Variants in PLXDC2 observed in about 807,000 individuals in gnomAD.
PLXDC2 encodes plexin domain containing 2.
PLXDC2 carries 40 observed loss-of-function variants against 68.9 expected under a neutral mutation model. The ratio of observed to expected loss-of-function variants is 0.58; its 90% CI spans 0.45 to 0.76. PLXDC2 has a LOEUF of 0.76. Among genes scored for constraint, PLXDC2 ranks in the 30% least tolerant of loss-of-function variants. The pLI is 0.00. For missense variants in PLXDC2, 644 were observed against 661.9 expected, an observed-to-expected ratio of 0.97 and a Z score of 0.30; for synonymous variants, 243 against 234.2, an observed-to-expected ratio of 1.04 and a Z score of -0.34.
intron 12 of PLXDC2, among the ~76,000 whole-genome samples, chr10:20,224,796 G>A (rs1320872669): frequency 6.6e-6 from 1 of 152,142 alleles, no homozygotes; most frequent in Non-Finnish European, 1.5e-5. Flanking sequence ...TTCATTTAAA[G>A]TTTCTTCTCT....
intron 12 of PLXDC2, among the ~76,000 whole-genome samples, chr10:20,238,655 C>CAAAAAA (rs771913862): frequency 1.2e-5 from 1 of 82,782 alleles, no homozygotes; most frequent in Non-Finnish European, 2.3e-5. Context: ...GACTCCATCT[C>CAAAAAA]AAAAAAAATA....
intron 1 of PLXDC2, among the ~76,000 whole-genome samples, chr10:19,845,753 T>G (rs947120111): frequency 3.9e-5 from 6 of 152,150 alleles, no homozygotes; most frequent in African/African-American, 1.4e-4. Context: ...CACTTTTAAT[T>G]ACATGCAAAT....
chr10:20,183,964 T>A (rs987899238), intron 9 of PLXDC2, among the ~76,000 whole-genome samples: 6 of 151,960 alleles, frequency 3.9e-5, no homozygotes, highest in Non-Finnish European at 8.8e-5. Flanking sequence ...CCAATCAAAG[T>A]TATAAGCTTG....
intron 3 of PLXDC2, among the ~76,000 whole-genome samples, chr10:20,067,629 A>G (rs1589613159): frequency 6.6e-6 from 1 of 151,574 alleles, no homozygotes; most frequent in Non-Finnish European, 1.5e-5. Context: ...CAGAGGTTTC[A>G]GTGAGCCGAG....
intron 4 of PLXDC2, among the ~76,000 whole-genome samples, chr10:20,137,253 C>T (rs1169086573): frequency 6.6e-6 from 1 of 152,168 alleles, no homozygotes; most frequent in Non-Finnish European, 1.5e-5. Context: ...TTTCTGCAAA[C>T]TTTTAAGCAT....
intron 7 of PLXDC2, among the ~76,000 whole-genome samples, chr10:20,165,267 CT>C (rs920036323): frequency 8.0e-4 from 120 of 150,020 alleles, no homozygotes; most frequent in African/African-American, 2.4e-3. Context: ...TTTGTGCTAT[CT>C]TTTTTTTTTC....
At position 19,858,193 on chromosome 10, in the gene PLXDC2, A is replaced by G. The variant is rs76964476; in HGVS notation, c.112+41002A>G. Among the ~76,000 whole-genome samples the G allele has an allele frequency of 8.4e-3, 1,282 of 152,164 alleles. 21 individuals are homozygous for G. Among genetic ancestry groups the G allele is most frequent in the African/African-American group, 0.029 (1,220 of 41,492 alleles). On this transcript the variant is annotated intron_variant, in intron 1 of 13. Coordinates refer to ENST00000377252, the MANE Select transcript of PLXDC2 (RefSeq NM_032812.9). ...TTCTGGGGACAAATTTTCAAGCAAA[A>G]ATCTCCCTCGGGTGGCTGTAGTCCC...
chr10:20,025,632 T>C (rs1460547191), intron 2 of PLXDC2, among the ~76,000 whole-genome samples: 1 of 152,176 alleles, frequency 6.6e-6, no homozygotes, highest in African/African-American at 2.4e-5. Flanking sequence ...TGTGCATTTC[T>C]CTGACGATTA....
chr10:19,994,767 G>C (rs1327767831), intron 1 of PLXDC2, among the ~76,000 whole-genome samples: 1 of 149,752 alleles, frequency 6.7e-6, no homozygotes, highest in Non-Finnish European at 1.5e-5. Context: ...GTGTGTGACA[G>C]AGTCTCGCTC....
intron 9 of PLXDC2, among the ~76,000 whole-genome samples, chr10:20,204,735 G>C (rs1205112788): frequency 6.6e-6 from 1 of 152,144 alleles, no homozygotes; most frequent in Non-Finnish European, 1.5e-5. Flanking sequence ...CACACCCAAT[G>C]TGTTTACACA....
chr10:19,943,770 T>G lies in PLXDC2; in HGVS notation c.113-58005T>G, dbSNP rs1316512272. 2.0e-5 allele frequency among the ~76,000 whole-genome samples: 3 copies of G among 152,212 alleles called. No individual in the cohort carries two copies. The East Asian group carries it at 5.8e-4, about 29-fold the overall frequency. On this transcript the variant is annotated intron_variant, in intron 1 of 13. Coordinates refer to ENST00000377252, the MANE Select transcript of PLXDC2 (RefSeq NM_032812.9). ...AGTAGGAACAGTCTCATCTTGTCCT[T>G]TTAGATCTATTAAATCAAACTGACC...
intron 4 of PLXDC2, among the ~76,000 whole-genome samples, chr10:20,136,069 T>G (rs1197186819): frequency 6.6e-6 from 1 of 152,208 alleles, no homozygotes; most frequent in African/African-American, 2.4e-5. Context: ...TATAGTTTTC[T>G]TCCTAGGAAC....
chr10:19,911,226 A>G (rs1278739271), intron 1 of PLXDC2, among the ~76,000 whole-genome samples: 1 of 151,956 alleles, frequency 6.6e-6, no homozygotes, highest in Non-Finnish European at 1.5e-5. Context: ...GGCCAGAAAC[A>G]TGAAAGGAAT....
At chr10:20,119,421 G>T (rs929485555) in intron 4 of PLXDC2, among the ~76,000 whole-genome samples, 12 of 152,046 alleles carry the variant, frequency 7.9e-5, no homozygotes, top group South Asian at 2.1e-4. Context: ...GGGGGAGCTT[G>T]TGAGCCAGGA....
intron 1 of PLXDC2, among the ~76,000 whole-genome samples, chr10:19,913,634 G>C (rs564507103): frequency 6.6e-6 from 1 of 151,976 alleles, no homozygotes; most frequent in African/African-American, 2.4e-5. Flanking sequence ...TAAATCTCTC[G>C]CTTCACTGTA....
chr10:20,014,403 C>T (rs1255400054), intron 2 of PLXDC2, among the ~76,000 whole-genome samples: 38 of 113,724 alleles, frequency 3.3e-4, no homozygotes, highest in African/African-American at 1.3e-3. Flanking sequence ...TCCTTCCTTC[C>T]TTCCTTCCTT....
At chr10:19,844,192 G>A (rs1423852105) in intron 1 of PLXDC2, among the ~76,000 whole-genome samples, 5 of 152,186 alleles carry the variant, frequency 3.3e-5, no homozygotes, top group East Asian at 1.9e-4. Flanking sequence ...GTTTTTTGAC[G>A]TGACTGTGAA....
In PLXDC2 at chr10:19,908,070, GT is replaced by G. The variant is rs577649012; in HGVS notation, c.112+90882del. Reference sequence around the variant, plus strand: ...TTTAAAATGAAACAATTAAAAAATAGTTTATAATTCACAACTATTTACTAAA... The same window carrying G: ...TTTAAAATGAAACAATTAAAAAATAGTTATAATTCACAACTATTTACTAAA... On this transcript the variant is annotated intron_variant, in intron 1 of 13. Coordinates refer to ENST00000377252, the MANE Select transcript of PLXDC2 (RefSeq NM_032812.9). Among the ~76,000 whole-genome samples the G allele has an allele frequency of 3.3e-5, 5 of 152,178 alleles. No individual in the cohort carries two copies. The South Asian group carries it at 1.0e-3, about 32-fold the overall frequency.
chr10:20,257,517 A>G (rs994559892), intron 13 of PLXDC2, among the ~76,000 whole-genome samples: 2 of 152,196 alleles, frequency 1.3e-5, no homozygotes, highest in African/African-American at 4.8e-5. Flanking sequence ...AGAATGAGTT[A>G]ATAATTACAG....
Sources: allele counts gnomAD v4.1 joint callset (sites outside exome capture counted in the v4.1 genomes callset), GRCh38; gene constraint gnomAD v4.1.1; transcripts MANE v1.5; gene names NCBI Gene and HGNC (gene_info 2026-07-23, HGNC 2026-07-21).